The following TEC variants were observed in gnomAD, a reference collection of about 807,000 sequenced individuals.
TEC encodes the protein tec protein tyrosine kinase, also known as tyrosine-protein kinase Tec.
A neutral mutation model predicts 93.0 loss-of-function variants in TEC; 72 were observed. That is an observed-to-expected ratio of 0.77 (90% CI 0.64 to 0.94). The LOEUF is 0.94. Ranked by LOEUF, TEC falls within the 40% of genes least tolerant of loss-of-function variation. The pLI, the probability that TEC is intolerant of heterozygous loss-of-function variation, is 0.00. For missense variants in TEC, 630 were observed against 757.9 expected, an observed-to-expected ratio of 0.83 and a Z score of 1.98; for synonymous variants, 249 against 247.7, an observed-to-expected ratio of 1.01 and a Z score of -0.05.
At chr4:48,149,812 A>G (rs1276851788) in intron 10 of TEC, 122 bp from the exon 11 acceptor site, 1 of 931,118 alleles carries the variant, frequency 1.1e-6, no homozygotes, top group Non-Finnish European at 1.5e-6. Context: ...CCTGGCACAA[A>G]TTTTACTTTC....
chr4:48,137,726 C>T (rs538546378), intron 17 of TEC, among the ~76,000 whole-genome samples: 1 of 152,250 alleles, frequency 6.6e-6, no homozygotes, highest in East Asian at 1.9e-4. Flanking sequence ...TCTTCAAGAC[C>T]CTGATAGATC....
chr4:48,224,127 A>C (rs1191930528), intron 2 of TEC, among the ~76,000 whole-genome samples: 3 of 152,100 alleles, frequency 2.0e-5, no homozygotes, highest in Non-Finnish European at 2.9e-5. Flanking sequence ...TGAATCACTG[A>C]ATGTACAGGT....
At chr4:48,143,651 T>A (rs1434123669) in intron 14 of TEC, among the ~76,000 whole-genome samples, 1 of 152,158 alleles carries the variant, frequency 6.6e-6, no homozygotes. Flanking sequence ...AAATAAAGTG[T>A]TCCATCTCCA....
intron 2 of TEC, among the ~76,000 whole-genome samples, chr4:48,225,710 CTTTTTTTTTCTTTTTTTTTT>C (rs1407044048): frequency 3.3e-5 from 5 of 149,908 alleles, no homozygotes; most frequent in African/African-American, 1.2e-4. Flanking sequence ...CTTTTTTTTT[CTTTTTTTTTCTTTTTTTTTT>C]ACTACTGACA....
At chr4:48,170,532 T>C (rs749908503) in intron 4 of TEC, among the ~76,000 whole-genome samples, 156 bp from the exon 5 acceptor site, 1 of 152,232 alleles carries the variant, frequency 6.6e-6, no homozygotes, top group African/African-American at 2.4e-5. Flanking sequence ...AAAAGCTCTA[T>C]AGTTCTCTTT....
intron 2 of TEC, among the ~76,000 whole-genome samples, chr4:48,215,085 G>A (rs1318005125): frequency 7.9e-5 from 12 of 152,046 alleles, no homozygotes; most frequent in Admixed American, 6.5e-4. Context: ...CCCGGGAGGC[G>A]GAGGTTGCAG....
At chr4:48,227,283 G>A (rs1160309174) in intron 2 of TEC, among the ~76,000 whole-genome samples, 33 of 152,076 alleles carry the variant, frequency 2.2e-4, no homozygotes, top group Admixed American at 2.2e-3. Context: ...AGAGAAATCA[G>A]TGGGAGAAAA....
At chr4:48,140,138 C>T (rs746946410) in intron 15 of TEC, among the ~76,000 whole-genome samples, 10 of 152,194 alleles carry the variant, frequency 6.6e-5, no homozygotes, top group Non-Finnish European at 1.3e-4. Flanking sequence ...GGTCCCATTT[C>T]TGACAGTAAC....
In TEC at chr4:48,257,206, T is replaced by C; in HGVS notation, c.-46+12546A>G. Reference sequence around the variant, plus strand: ...TTTTATATATGGCTTACATGAAATATATTATTAAAATTAATTTCACCTGTT... The same window carrying C: ...TTTTATATATGGCTTACATGAAATACATTATTAAAATTAATTTCACCTGTT... On this transcript the variant is annotated intron_variant, in intron 1 of 17. Transcript: ENST00000381501. Among the ~76,000 whole-genome samples, 3 of 152,352 alleles carry C rather than the reference T, an allele frequency of 2.0e-5. No individual in the cohort carries two copies. The South Asian group carries it at 6.2e-4, about 32-fold the overall frequency.
chr4:48,167,915 A>T lies in TEC; in HGVS notation c.534T>A (p.Asp178Glu). The T allele has an allele frequency of 1.2e-6, 2 of 1,613,798 alleles. No homozygotes were observed. Among genetic ancestry groups the T allele is most frequent in the Non-Finnish European group, 1.7e-6 (2 of 1,179,884 alleles). The change falls in exon 7 of 18, where the codon GAT becomes GAA. Residue 178 changes from aspartate (D) to glutamate (E), a missense_variant. By Grantham distance (45) the Asp-to-Glu change is conservative. This residue lies in a region of TEC where 335 missense variants were observed against 351.5 expected (regional missense o/e 0.95). Transcript: ENST00000381501. ...TGGCTACAACGATTTCTTCACTATT[A>T]TCTTCTTCTTCTAGTGGAATTGGTG... ...PPPPIPLEEE[D>E]NSEEIVVAMY...
chr4:48,245,147 G>T (rs1026454992), intron 1 of TEC, among the ~76,000 whole-genome samples: 1 of 152,012 alleles, frequency 6.6e-6, no homozygotes, highest in Non-Finnish European at 1.5e-5. Flanking sequence ...ACAAAAATTT[G>T]CTGGGTGTGG....
intron 3 of TEC, among the ~76,000 whole-genome samples, chr4:48,174,701 G>C (rs2109553495): frequency 6.6e-6 from 1 of 151,790 alleles, no homozygotes; most frequent in East Asian, 1.9e-4. Flanking sequence ...ATGGTTCTCT[G>C]CTAAATTTCC....
At chr4:48,163,062 C>A (rs1228380385) in intron 8 of TEC, among the ~76,000 whole-genome samples, 1 of 151,956 alleles carries the variant, frequency 6.6e-6, no homozygotes, top group African/African-American at 2.4e-5. Context: ...ACAACCTAAA[C>A]CACACAAATA....
chr4:48,262,873 C>T (rs1724534077), intron 1 of TEC, among the ~76,000 whole-genome samples: 1 of 152,200 alleles, frequency 6.6e-6, no homozygotes, highest in Non-Finnish European at 1.5e-5. Flanking sequence ...CTCCTGTTTT[C>T]TGTATTGCCA....
chr4:48,149,435 A>C (rs1507919), intron 11 of TEC, 122 bp downstream of exon 11: 5 of 1,033,274 alleles, frequency 4.8e-6, no homozygotes, highest in Non-Finnish European at 6.7e-6. Context: ...GCAGTAATTT[A>C]AAATCAACCA....
chr4:48,168,322 C>A (rs1230513746), intron 6 of TEC, among the ~76,000 whole-genome samples: 1 of 152,162 alleles, frequency 6.6e-6, no homozygotes, highest in Non-Finnish European at 1.5e-5. Flanking sequence ...CTTAATACAA[C>A]TCTTTAAGTG....
intron 2 of TEC, among the ~76,000 whole-genome samples, chr4:48,181,778 T>C (rs562602964): frequency 8.5e-5 from 13 of 152,102 alleles, no homozygotes; most frequent in Non-Finnish European, 1.9e-4. Flanking sequence ...CCCATGCACT[T>C]TCTCCCCGAG....
chr4:48,170,639 T>C (rs1204420722), intron 4 of TEC, among the ~76,000 whole-genome samples: 1 of 152,194 alleles, frequency 6.6e-6, no homozygotes, highest in African/African-American at 2.4e-5. Context: ...CTGCCACCAT[T>C]TTGTTCTTCA....
At chr4:48,145,740 G>C (rs1303853825) in intron 12 of TEC, among the ~76,000 whole-genome samples, 161 bp from the exon 13 acceptor site, 1 of 152,220 alleles carries the variant, frequency 6.6e-6, no homozygotes, top group African/African-American at 2.4e-5. Context: ...ACCTGCATCT[G>C]AACTGCCAAA....
Sources: allele counts gnomAD v4.1 joint callset (sites outside exome capture counted in the v4.1 genomes callset), GRCh38; gene constraint gnomAD v4.1.1; regional missense constraint gnomAD v4.1.1; transcripts MANE v1.5; gene names NCBI Gene and HGNC (gene_info 2026-07-23, HGNC 2026-07-21).